OPCML: variants seen among roughly 807,000 people sequenced by gnomAD.
OPCML encodes the protein opioid binding protein/cell adhesion molecule like.
A neutral mutation model predicts 37.8 loss-of-function variants in OPCML; 13 were observed. The observed-to-expected ratio is 0.34, with a 90% CI of 0.22 to 0.55. OPCML has a LOEUF of 0.55. Among genes scored for constraint, OPCML ranks in the 20% least tolerant of loss-of-function variants. The pLI, the probability that OPCML is intolerant of heterozygous loss-of-function variation, is 0.91. For synonymous variants in OPCML, 176 were observed against 168.8 expected (o/e 1.04, Z -0.33); for missense variants, 341 against 435.6 (o/e 0.78, Z 1.93).
intron 1 of OPCML, among the ~76,000 whole-genome samples, chr11:133,414,623 T>C (rs764834615): frequency 4.6e-5 from 7 of 152,144 alleles, no homozygotes; most frequent in Non-Finnish European, 7.4e-5. Flanking sequence ...CATTTAGGAA[T>C]CCATCTAATC....
At chr11:132,497,142 A>G (rs754742371) in intron 4 of OPCML, among the ~76,000 whole-genome samples, 7 of 152,202 alleles carry the variant, frequency 4.6e-5, no homozygotes, top group Non-Finnish European at 7.3e-5. Context: ...ACTCAGAAAC[A>G]GAAAACCAAA....
chr11:133,113,689 C>T (rs1412320728), intron 1 of OPCML, among the ~76,000 whole-genome samples: 1 of 152,190 alleles, frequency 6.6e-6, no homozygotes, highest in African/African-American at 2.4e-5. Flanking sequence ...TTGATAATGA[C>T]TAAGGGCCAA....
At chr11:132,946,640 G>C (rs772049703) in intron 1 of OPCML, among the ~76,000 whole-genome samples, 7 of 152,122 alleles carry the variant, frequency 4.6e-5, no homozygotes, top group Non-Finnish European at 2.9e-5. Context: ...TGATCCACTG[G>C]GTTAGGTCCT....
chr11:133,049,392 T>C (rs1457743082), intron 1 of OPCML, among the ~76,000 whole-genome samples: 1 of 152,148 alleles, frequency 6.6e-6, no homozygotes, highest in Non-Finnish European at 1.5e-5. Context: ...GAGTGAGCCC[T>C]GGACTTGGAA....
chr11:132,511,194 A>G (rs1214393505), intron 4 of OPCML, among the ~76,000 whole-genome samples: 1 of 152,176 alleles, frequency 6.6e-6, no homozygotes, highest in African/African-American at 2.4e-5. Context: ...GATTTTTAAA[A>G]TTTCCTTTAT....
At chr11:133,477,439 C>T (rs1365648290) in intron 1 of OPCML, among the ~76,000 whole-genome samples, 1 of 152,194 alleles carries the variant, frequency 6.6e-6, no homozygotes, top group East Asian at 1.9e-4. Flanking sequence ...ATCCTCAGTG[C>T]ACTAGAGGTG....
chr11:133,184,043 A>C (rs1228560823), intron 1 of OPCML, among the ~76,000 whole-genome samples: 1 of 152,178 alleles, frequency 6.6e-6, no homozygotes, highest in Non-Finnish European at 1.5e-5. Context: ...AGATGATCTG[A>C]GCTTGACATT....
intron 1 of OPCML, among the ~76,000 whole-genome samples, chr11:133,428,712 T>C (rs7107264): frequency 0.17 from 26,554 of 152,064 alleles, 2,819 homozygotes; most frequent in African/African-American, 0.3. Context: ...AGAGGCATAC[T>C]ACATTCTGGG....
intron 1 of OPCML, among the ~76,000 whole-genome samples, chr11:133,249,878 C>G (rs747815336): frequency 6.6e-6 from 1 of 151,958 alleles, no homozygotes; most frequent in Non-Finnish European, 1.5e-5. Flanking sequence ...GTCAGAAGCA[C>G]GATGAAAAAA....
chr11:132,799,706 T>A (rs1184645068), intron 2 of OPCML, among the ~76,000 whole-genome samples: 2 of 151,462 alleles, frequency 1.3e-5, no homozygotes, highest in Non-Finnish European at 2.9e-5. Flanking sequence ...GCTTGCTCAA[T>A]GCAGGGTTGC....
chr11:132,958,800 G>A (rs1268231670), intron 1 of OPCML, among the ~76,000 whole-genome samples: 1 of 143,634 alleles, frequency 7.0e-6, no homozygotes, highest in Non-Finnish European at 1.5e-5. Flanking sequence ...TCACTATTAA[G>A]ACCTACTTCT....
chr11:133,207,294 C>T (rs1939119518), intron 1 of OPCML, among the ~76,000 whole-genome samples: 1 of 151,976 alleles, frequency 6.6e-6, no homozygotes, highest in Admixed American at 6.6e-5. Context: ...AGTGAGACTC[C>T]ATCTCAAAAA....
chr11:132,808,289 A>G (rs1939133360), intron 2 of OPCML, among the ~76,000 whole-genome samples: 1 of 152,198 alleles, frequency 6.6e-6, no homozygotes, highest in Non-Finnish European at 1.5e-5. Context: ...TAAGTGAGAA[A>G]TCCCTGCCTG....
intron 7 of OPCML, among the ~76,000 whole-genome samples, chr11:132,427,181 G>T (rs950366481): frequency 4.6e-5 from 7 of 152,172 alleles, no homozygotes; most frequent in Non-Finnish European, 1.0e-4. Flanking sequence ...TAGGCAAGTT[G>T]AGCTTGTTGA....
chr11:133,170,082 C>A (rs2136266695), intron 1 of OPCML, among the ~76,000 whole-genome samples: 1 of 152,280 alleles, frequency 6.6e-6, no homozygotes, highest in East Asian at 1.9e-4. Context: ...GCACTGTGAA[C>A]CCTCCCCTCT....
At chr11:132,521,211 CT>C (rs1210003706) in intron 4 of OPCML, among the ~76,000 whole-genome samples, 2 of 152,074 alleles carry the variant, frequency 1.3e-5, no homozygotes, top group Admixed American at 6.6e-5. Flanking sequence ...CCTTTGCCCA[CT>C]TTTTGATAGG....
At chr11:132,680,446 T>C (rs761162096) in intron 2 of OPCML, among the ~76,000 whole-genome samples, 1 of 152,136 alleles carries the variant, frequency 6.6e-6, no homozygotes, top group Middle Eastern at 3.2e-3. Context: ...ACATAGGCAG[T>C]TGTTCCCTTT....
rs1017358781 is a variant in OPCML, at chr11:132,506,816, T to C, written c.505+22245A>G. The stretch of plus-strand genomic sequence containing the variant: ...ACAAGATACAAAACATGAAAGCTAC[T>C]AGACAGAACAAAAAGAGGAAAACAA... On this transcript the variant is annotated intron_variant, in intron 4 of 7. Transcript: ENST00000524381. Among the ~76,000 whole-genome samples, 6 of 151,862 alleles carry C rather than the reference T, an allele frequency of 4.0e-5. No individual in the cohort carries two copies. In the South Asian group the frequency reaches 1.2e-3, roughly 32 times the overall value.
chr11:132,916,885 T>G (rs1289409121), intron 2 of OPCML, among the ~76,000 whole-genome samples: 2 of 152,198 alleles, frequency 1.3e-5, no homozygotes, highest in Non-Finnish European at 2.9e-5. Context: ...ACATTAGACC[T>G]TTCTACTAAG....
Sources: gnomAD v4.1 joint callset for allele counts (sites outside exome capture counted in the v4.1 genomes callset) on GRCh38, gnomAD v4.1.1 for gene constraint, MANE v1.5 for transcripts, NCBI Gene and HGNC (gene_info 2026-07-23, HGNC 2026-07-21) for gene names.